The following VPS13D variants were observed in gnomAD, a reference collection of about 807,000 sequenced individuals.
The protein encoded by VPS13D is vacuolar protein sorting 13 homolog D.
In VPS13D, 187 loss-of-function variants were observed where a neutral mutation model predicts 461.9. The observed-to-expected ratio is 0.40, with a 90% CI of 0.36 to 0.46. VPS13D has a LOEUF of 0.46. Ranked by LOEUF, VPS13D falls within the 20% of genes least tolerant of loss-of-function variation. VPS13D has a pLI of 0.60. For missense variants in VPS13D, 4,711 were observed against 5,364.9 expected (o/e 0.88, Z 3.81); for synonymous variants, 1,951 against 1,986.3 (o/e 0.98, Z 0.47).
intron 55 of VPS13D, among the ~76,000 whole-genome samples, chr1:12,375,399 ATATT>A (rs1429081606): frequency 2.6e-5 from 4 of 152,228 alleles, no homozygotes; most frequent in African/African-American, 9.6e-5. Context: ...TATACTGTAC[ATATT>A]TATTTCTATG....
intron 7 of VPS13D, 118 bp downstream of exon 7, chr1:12,253,944 C>T (rs1640825414): frequency 1.3e-6 from 1 of 743,004 alleles, no homozygotes; most frequent in Non-Finnish European, 2.3e-6. Context: ...CCCACTGTTC[C>T]TCTAAAGCCA....
rs1173579857 is a variant in VPS13D, at chr1:12,311,542, A to G, written c.6739A>G (p.Ile2247Val). 1.2e-6 allele frequency: 2 copies of G among 1,614,136 alleles called. No individual in the cohort carries two copies. The highest frequency in any genetic ancestry group is 1.1e-5 in the South Asian group (1 of 91,088). Reference protein sequence around the residue: ...CSLDLYKYKLIRGLLENNLGE... With the variant: ...CSLDLYKYKLVRGLLENNLGE... ...TCTGGATCTGTATAAATACAAGCTG[A>G]TCCGCGGCTTATTAGAGAACAACCT... Residue 2247 changes from isoleucine to valine, a missense_variant, in exon 28 of 70, where the codon ATC becomes GTC. Physicochemically the swap from Ile to Val is conservative, Grantham distance 29. Coordinates refer to ENST00000620676, the MANE Select transcript of VPS13D (RefSeq NM_015378.4).
intron 1 of VPS13D, among the ~76,000 whole-genome samples, chr1:12,232,151 G>A (rs1485784776): frequency 7.0e-6 from 1 of 143,174 alleles, no homozygotes; most frequent in Non-Finnish European, 1.5e-5. Context: ...TATTCCATTT[G>A]CAGAAAAAAA....
intron 21 of VPS13D, 106 bp from the exon 22 acceptor site, chr1:12,288,117 A>G: frequency 1.1e-6 from 1 of 951,192 alleles, no homozygotes; most frequent in Non-Finnish European, 1.6e-6. Context: ...ATTACCTTCA[A>G]GTTTCCCAAG....
chr1:12,313,434 G>A lies in VPS13D; in HGVS notation c.6936-681G>A, dbSNP rs531852292. Among the ~76,000 whole-genome samples the A allele has an allele frequency of 1.3e-4, 20 of 148,960 alleles. No homozygotes were observed. In the South Asian group the frequency reaches 3.9e-3, roughly 29 times the overall value. On this transcript the variant is annotated intron_variant, in intron 29 of 69. Transcript: ENST00000620676. ...GTGATCCTCCCACCTCAGCCCCACC[G>A]AGTAGCTGGGACTACAGGCATGAGC...
chr1:12,433,479 G>A (rs937361732), intron 65 of VPS13D, among the ~76,000 whole-genome samples: 1 of 152,130 alleles, frequency 6.6e-6, no homozygotes, highest in African/African-American at 2.4e-5. Flanking sequence ...TAACACTTTT[G>A]CTTTTTCGGA....
chr1:12,465,894 T>C (rs1299458815), intron 67 of VPS13D, among the ~76,000 whole-genome samples: 1 of 152,162 alleles, frequency 6.6e-6, no homozygotes, highest in Non-Finnish European at 1.5e-5. Flanking sequence ...CCCAGCACTT[T>C]GGGAGGCCGA....
chr1:12,244,106 A>G, intron 3 of VPS13D, 140 bp from the exon 4 acceptor site: 1 of 766,810 alleles, frequency 1.3e-6, no homozygotes, highest in Non-Finnish European at 2.0e-6. Flanking sequence ...CATGTGCAAG[A>G]GCCTGCTGCC....
chr1:12,291,598 G>A (rs1428558210), intron 23 of VPS13D, among the ~76,000 whole-genome samples: 1 of 152,138 alleles, frequency 6.6e-6, no homozygotes, highest in South Asian at 2.1e-4. Context: ...ACTCCAGCCT[G>A]GGTGATGGAG....
chr1:12,373,855 G>C lies in VPS13D; in HGVS notation c.10914G>C (p.Lys3638Asn). The stretch of plus-strand genomic sequence containing the variant: ...AGACACAAAGAGTCATTTTAAAAAA[G>C]AAGGTAAGAGAGCTTACAATCAGAG... Reference protein sequence around the residue: ...SPKTQRVILKKKEPGKRSQLW... With the variant: ...SPKTQRVILKNKEPGKRSQLW... Residue 3638 changes from lysine (K) to asparagine (N), a missense_variant, in exon 55 of 70, where the codon AAG (lysine) becomes AAC (asparagine). Coordinates refer to ENST00000620676, the MANE Select transcript of VPS13D (RefSeq NM_015378.4). The C allele has an allele frequency of 5.0e-6, 8 of 1,601,974 alleles. No individual in the cohort carries two copies. Among genetic ancestry groups the C allele is most frequent in the Non-Finnish European group, 6.8e-6 (8 of 1,173,614 alleles).
At chr1:12,486,971 A>G (rs1283350686) in intron 67 of VPS13D, among the ~76,000 whole-genome samples, 2 of 152,024 alleles carry the variant, frequency 1.3e-5, no homozygotes, top group African/African-American at 4.8e-5. Context: ...TTTCCAGGCC[A>G]TGGCTTGGGT....
intron 49 of VPS13D, among the ~76,000 whole-genome samples, chr1:12,357,429 A>G (rs1207237618): frequency 1.3e-5 from 2 of 152,216 alleles, no homozygotes; most frequent in Admixed American, 6.5e-5. Flanking sequence ...ACAGTTTTAG[A>G]TTTAGGACTT....
chr1:12,436,983 A>T (rs1301813551), intron 65 of VPS13D, among the ~76,000 whole-genome samples: 1 of 152,118 alleles, frequency 6.6e-6, no homozygotes, highest in Non-Finnish European at 1.5e-5. Context: ...AAGTATTTTT[A>T]TGTGGGTAAA....
At chr1:12,409,775 C>G (rs114587961) in intron 63 of VPS13D, 3 of 426,642 alleles carry the variant, frequency 7.0e-6, no homozygotes, top group African/African-American at 6.2e-5. Context: ...TTGAGAACTT[C>G]AAGAAAAGAC....
chr1:12,267,125 C>G (rs1382670164), intron 14 of VPS13D, 114 bp downstream of exon 14: 1 of 1,191,732 alleles, frequency 8.4e-7, no homozygotes, highest in African/African-American at 1.6e-5. Flanking sequence ...GACTGATGGG[C>G]TGGGATTAGA....
chr1:12,403,737 T>A (rs1211082351), intron 62 of VPS13D, 88 bp from the exon 63 acceptor site: 2 of 1,332,644 alleles, frequency 1.5e-6, no homozygotes, highest in Non-Finnish European at 2.0e-6. Flanking sequence ...TTTTTGATGA[T>A]TTTTTTCTAT....
intron 54 of VPS13D, among the ~76,000 whole-genome samples, chr1:12,372,364 GGTTTT>G (rs375498036): frequency 5.3e-5 from 8 of 152,058 alleles, no homozygotes; most frequent in African/African-American, 9.6e-5. Context: ...TGCCAGGCCT[GGTTTT>G]GTTTTGTTTT....
intron 67 of VPS13D, among the ~76,000 whole-genome samples, chr1:12,491,395 A>C (rs1169476921): frequency 6.6e-6 from 1 of 152,254 alleles, no homozygotes. Context: ...TGTGCACAGC[A>C]TCTGTCTTAA....
intron 65 of VPS13D, among the ~76,000 whole-genome samples, chr1:12,445,383 T>C (rs1475989404): frequency 6.6e-6 from 1 of 152,190 alleles, no homozygotes; most frequent in Non-Finnish European, 1.5e-5. Flanking sequence ...AAAGGGCAGA[T>C]GTTGAGTTAA....
Sources: allele counts gnomAD v4.1 joint callset (sites outside exome capture counted in the v4.1 genomes callset), GRCh38; gene constraint gnomAD v4.1.1; transcripts MANE v1.5; gene names NCBI Gene and HGNC (gene_info 2026-07-23, HGNC 2026-07-21).